Variants in RALA observed in about 807,000 individuals in gnomAD.
RALA encodes ras-related protein Ral-A.
A neutral mutation model predicts 24.0 loss-of-function variants in RALA; 5 were observed. The observed-to-expected ratio is 0.21, with a 90% CI of 0.11 to 0.44. The LOEUF (loss-of-function observed/expected upper bound fraction) is 0.44. RALA is among the 20% of genes least tolerant of loss of function. The pLI is 0.99. For missense variants in RALA, 95 were observed against 241.2 expected (o/e 0.39, Z 4.01); for synonymous variants, 77 against 83.8 (o/e 0.92, Z 0.44).
chr7:39,661,765 A>G (rs1792195108), intron 1 of RALA, among the ~76,000 whole-genome samples: 1 of 152,158 alleles, frequency 6.6e-6, no homozygotes, highest in South Asian at 2.1e-4. Flanking sequence ...TTACCATTCT[A>G]GGGTCTGGAG....
chr7:39,660,070 G>A (rs942038367), intron 1 of RALA, among the ~76,000 whole-genome samples: 11 of 151,960 alleles, frequency 7.2e-5, no homozygotes, highest in Admixed American at 4.6e-4. Context: ...TTAAGGCCAG[G>A]CACAGTGGCT....
At chr7:39,679,330 A>G (rs1251196404) in intron 1 of RALA, among the ~76,000 whole-genome samples, 1 of 152,060 alleles carries the variant, frequency 6.6e-6, no homozygotes, top group Non-Finnish European at 1.5e-5. Context: ...TTTAATTACA[A>G]CCCTTCAAAA....
chr7:39,682,433 A>G (rs1378874154), intron 1 of RALA, among the ~76,000 whole-genome samples: 3 of 152,224 alleles, frequency 2.0e-5, no homozygotes, highest in African/African-American at 4.8e-5. Flanking sequence ...AACCAGGGTA[A>G]TCTTTTTAAA....
chr7:39,662,504 A>C (rs944489457), intron 1 of RALA, among the ~76,000 whole-genome samples: 6 of 152,128 alleles, frequency 3.9e-5, no homozygotes, highest in Admixed American at 3.3e-4. Context: ...CAGATGCCCT[A>C]AATCATCGCC....
chr7:39,703,889 G>C (rs925123812), intron 4 of RALA, among the ~76,000 whole-genome samples: 3 of 152,074 alleles, frequency 2.0e-5, no homozygotes, highest in African/African-American at 7.2e-5. Flanking sequence ...AGTTTGGCTG[G>C]GTGTTGTGGC....
At chr7:39,695,359 T>C (rs996446145) in intron 3 of RALA, among the ~76,000 whole-genome samples, 1 of 152,128 alleles carries the variant, frequency 6.6e-6, no homozygotes, top group Non-Finnish European at 1.5e-5. Context: ...TGTAAATAGT[T>C]GTTATTCTGC....
intron 1 of RALA, among the ~76,000 whole-genome samples, chr7:39,674,042 T>TA (rs367907893): frequency 1.4e-4 from 13 of 90,698 alleles, no homozygotes; most frequent in African/African-American, 6.7e-4. Context: ...GCATGCACTG[T>TA]AAATAAATAA....
At chr7:39,631,969 G>T (rs932578586) in intron 1 of RALA, among the ~76,000 whole-genome samples, 1 of 152,186 alleles carries the variant, frequency 6.6e-6, no homozygotes, top group Non-Finnish European at 1.5e-5. Flanking sequence ...GGAAGAAGGC[G>T]AAGGGTGAGC....
chr7:39,703,667 T>C (rs1793067998), intron 4 of RALA, among the ~76,000 whole-genome samples: 1 of 152,186 alleles, frequency 6.6e-6, no homozygotes, highest in South Asian at 2.1e-4. Flanking sequence ...TTCTAGGAAA[T>C]AGGTATTATT....
intron 4 of RALA, among the ~76,000 whole-genome samples, chr7:39,704,174 AAAAAG>A (rs1224919221): frequency 1.3e-5 from 2 of 151,870 alleles, no homozygotes; most frequent in African/African-American, 4.8e-5. Context: ...AAAAAAAAAA[AAAAAG>A]AAGTTTAAGA....
intron 1 of RALA, among the ~76,000 whole-genome samples, chr7:39,672,178 G>A (rs757823063): frequency 4.6e-5 from 7 of 152,038 alleles, no homozygotes; most frequent in Non-Finnish European, 7.4e-5. Context: ...CACATCTCTG[G>A]AAAGGATTTG....
At chr7:39,665,037 G>T (rs1460497782) in intron 1 of RALA, among the ~76,000 whole-genome samples, 2 of 152,198 alleles carry the variant, frequency 1.3e-5, no homozygotes, top group Non-Finnish European at 2.9e-5. Context: ...AATGGTGGAA[G>T]AAGGATTGGT....
chr7:39,631,067 G>A (rs1410456391), intron 1 of RALA, among the ~76,000 whole-genome samples: 3 of 151,336 alleles, frequency 2.0e-5, no homozygotes, highest in Non-Finnish European at 2.9e-5. Flanking sequence ...GAGTGCAGTG[G>A]TGCGATCTCA....
chr7:39,669,982 C>G (rs1198554052), intron 1 of RALA, among the ~76,000 whole-genome samples: 1 of 152,064 alleles, frequency 6.6e-6, no homozygotes, highest in Non-Finnish European at 1.5e-5. Context: ...TAACAAAGCT[C>G]TCATGGACAA....
At chr7:39,662,068 C>G (rs986549889) in intron 1 of RALA, among the ~76,000 whole-genome samples, 3 of 152,166 alleles carry the variant, frequency 2.0e-5, no homozygotes, top group African/African-American at 7.2e-5. Context: ...TACCCTGGCC[C>G]CTTTTAGTCA....
intron 1 of RALA, among the ~76,000 whole-genome samples, chr7:39,677,713 C>T (rs1305331720): frequency 1.4e-4 from 2 of 14,530 alleles, no homozygotes; most frequent in Admixed American, 1.8e-3. Flanking sequence ...CTCTCCAGCA[C>T]CTGTTGTTTC....
intron 1 of RALA, among the ~76,000 whole-genome samples, chr7:39,665,648 GTT>G (rs34551838): frequency 1.7e-3 from 250 of 145,590 alleles, no homozygotes; most frequent in African/African-American, 5.5e-3. Context: ...CTGCAATGTA[GTT>G]TTTTTTTTTT....
chr7:39,651,266 T>G (rs577520568), intron 1 of RALA, among the ~76,000 whole-genome samples: 1 of 152,256 alleles, frequency 6.6e-6, no homozygotes, highest in South Asian at 2.1e-4. Flanking sequence ...TTTCGACTTA[T>G]GATGTTTTCA....
At chr7:39,653,993 T>G (rs1444795088) in intron 1 of RALA, among the ~76,000 whole-genome samples, 1 of 152,104 alleles carries the variant, frequency 6.6e-6, no homozygotes, top group Non-Finnish European at 1.5e-5. Flanking sequence ...ATTTGATGAG[T>G]AGCACTGATA....
Sources: allele counts gnomAD v4.1 joint callset (sites outside exome capture counted in the v4.1 genomes callset), GRCh38; gene constraint gnomAD v4.1.1; transcripts MANE v1.5; gene names NCBI Gene and HGNC (gene_info 2026-07-23, HGNC 2026-07-21).